The following PFKFB2 variants were observed in gnomAD, a reference collection of about 807,000 sequenced individuals.
PFKFB2 encodes the protein 6-phosphofructo-2-kinase/fructose-2,6-bisphosphatase 2.
A neutral mutation model predicts 68.0 loss-of-function variants in PFKFB2; 53 were observed. That is an observed-to-expected ratio of 0.78 (90% CI 0.63 to 0.98). The LOEUF (loss-of-function observed/expected upper bound fraction) is 0.98, where lower values mean the gene tolerates loss of function less well. PFKFB2 is among the 50% of genes least tolerant of loss of function. PFKFB2 has a pLI of 0.00. For missense variants in PFKFB2, 451 were observed against 642.0 expected, an observed-to-expected ratio of 0.70 and a Z score of 3.22; for synonymous variants, 222 against 227.6, an observed-to-expected ratio of 0.98 and a Z score of 0.22.
At chr1:207,056,600 G>A (rs369410241) in intron 2 of PFKFB2, among the ~76,000 whole-genome samples, 3 of 151,854 alleles carry the variant, frequency 2.0e-5, no homozygotes, top group South Asian at 2.1e-4. Context: ...TCAAGTCAGG[G>A]AAGCAGTAAT....
At chr1:207,048,099 C>A (rs1030040573) in intron 2 of PFKFB2, 1 of 152,524 alleles carries the variant, frequency 6.6e-6, no homozygotes, top group South Asian at 2.1e-4. Flanking sequence ...GAAGAAAAAA[C>A]TGAGGACTCG....
upstream of PFKFB2, chr1:207,050,598 A>AG (rs1415101976): frequency 6.4e-7 from 1 of 1,560,842 alleles, no homozygotes; most frequent in Non-Finnish European, 8.7e-7. Context: ...GCCGACTCAC[A>AG]GCCACCTTGC....
chr1:207,052,865 T>C (rs1449313490), upstream of PFKFB2: 1 of 152,308 alleles, frequency 6.6e-6, no homozygotes, highest in East Asian at 1.9e-4. Flanking sequence ...AAAGCTTACG[T>C]TCCCATTTAT....
At chr1:207,051,145 A>G (rs1682742347), upstream of PFKFB2, 27 of 1,421,638 alleles carry the variant, frequency 1.9e-5, no homozygotes, top group Non-Finnish European at 2.5e-5. Context: ...CCCCACCCTC[A>G]GAACGAAGAT....
upstream of PFKFB2, chr1:207,049,403 C>G: frequency 6.2e-7 from 1 of 1,614,168 alleles, no homozygotes; most frequent in Non-Finnish European, 8.5e-7. Context: ...ATCTCTATTG[C>G]TCCTCCCCAA....
At chr1:207,078,224 G>A (rs78559703), downstream of PFKFB2, among the ~76,000 whole-genome samples, 1,906 of 152,280 alleles carry the variant, frequency 0.013, 35 homozygotes, top group African/African-American at 0.044. Flanking sequence ...AGAGATTATG[G>A]TCAAGGGTAT....
Position 207,062,619 on chromosome 1 carries a change from G to A in PFKFB2, c.212-1G>A. The A allele has an allele frequency of 1.2e-6, 2 of 1,613,676 alleles. No homozygotes were observed. Among genetic ancestry groups the A allele is most frequent in the South Asian group, 2.2e-5 (2 of 91,004 alleles). On this transcript the variant is annotated splice_acceptor_variant, in intron 3 of 14. Transcript: ENST00000367080. LOFTEE classifies it high-confidence loss of function. Reference sequence around the variant, plus strand: ...CTGAAGGATTTGGGTGTCTTCTACAGTGTTTAATCTTGGGGTGTATCGGCG... The same window carrying A: ...CTGAAGGATTTGGGTGTCTTCTACAATGTTTAATCTTGGGGTGTATCGGCG...
chr1:207,047,541 C>T (rs1682628972), intron 2 of PFKFB2: 2 of 152,656 alleles, frequency 1.3e-5, no homozygotes, highest in Non-Finnish European at 1.5e-5. Context: ...ACCAAAATAA[C>T]AAAACTTCAC....
rs552541053 is a variant in PFKFB2 at position 207,035,677 on chromosome 1, A to AC, written c.-62+1205_-62+1206insC. Among the ~76,000 whole-genome samples the AC allele has an allele frequency of 2.6e-3, 392 of 148,234 alleles. 3 individuals are homozygous for AC. Among genetic ancestry groups the AC allele is most frequent in the Admixed American group, 7.8e-3 (118 of 15,222 alleles). On this transcript the variant is annotated intron_variant, in intron 1 of 5. Transcript: ENST00000545806. Reference sequence around the variant, plus strand: ...TAAAAACAAACAAACAAACAAACAAAAAAAACAAAAAAAGAAAAGAGGTTT... The same window carrying AC: ...TAAAAACAAACAAACAAACAAACAAACAAAAACAAAAAAAGAAAAGAGGTTT...
chr1:207,042,279 T>C (rs1009058324), intron 2 of PFKFB2: 5 of 152,148 alleles, frequency 3.3e-5, no homozygotes, highest in African/African-American at 1.2e-4. Context: ...CCAGGCGCAG[T>C]GGCTCACGTC....
At position 207,070,607 on chromosome 1, in the gene PFKFB2, T is replaced by G; in HGVS notation, c.1222+198T>G. The G allele has an allele frequency of 1.8e-6, 1 of 550,010 alleles. No homozygotes were observed. The highest frequency in any genetic ancestry group is 2.0e-5 in the South Asian group (1 of 49,858). 34.1% of individuals were successfully genotyped at this position (550,010 alleles called of 1,614,324 possible). On this transcript the variant is annotated intron_variant, in intron 12 of 14. Transcript: ENST00000367080. The surrounding 1 kb of genome is among the most constrained non-coding windows in gnomAD (Gnocchi z 4.2). ...ACTCTGCTGCTACGAAAGCTTCCAATGGAGAGTGGCTGCTGCTGGTGCTCC... is the reference window on the plus strand; with the variant it reads ...ACTCTGCTGCTACGAAAGCTTCCAAGGGAGAGTGGCTGCTGCTGGTGCTCC...
chr1:207,065,012 C>G (rs367612107), intron 7 of PFKFB2, 24 bp from the exon 8 acceptor site: 1 of 1,612,540 alleles, frequency 6.2e-7, no homozygotes, highest in Admixed American at 1.7e-5. Flanking sequence ...CTGATGAGGC[C>G]TTTACTGGTT....
chr1:207,047,251 CCAT>C (rs1682622688), intron 2 of PFKFB2: 4 of 152,452 alleles, frequency 2.6e-5, no homozygotes, highest in Admixed American at 2.6e-4. Flanking sequence ...GTTATGCTGA[CCAT>C]AACAGCTTAT....
chr1:207,066,801 C>T (rs971222800), intron 8 of PFKFB2, among the ~76,000 whole-genome samples: 4 of 151,994 alleles, frequency 2.6e-5, no homozygotes, highest in African/African-American at 4.8e-5. Context: ...TTACAGGCAC[C>T]CGCCACCACG....
intron 2 of PFKFB2, chr1:207,045,535 A>G (rs1682578396): frequency 6.6e-6 from 1 of 152,356 alleles, no homozygotes. Flanking sequence ...CTGCAAACAA[A>G]TGTGTCTCCA....
At chr1:207,037,060 C>T (rs1215944017) in intron 1 of PFKFB2, among the ~76,000 whole-genome samples, 1 of 152,168 alleles carries the variant, frequency 6.6e-6, no homozygotes, top group Non-Finnish European at 1.5e-5. Context: ...TTATCTTTAA[C>T]CAGACATCCC....
At chr1:207,045,493 A>G (rs1682577066) in intron 2 of PFKFB2, 1 of 152,440 alleles carries the variant, frequency 6.6e-6, no homozygotes, top group South Asian at 2.1e-4. Context: ...GCCAACATGT[A>G]AACTTTTATT....
intron 7 of PFKFB2, among the ~76,000 whole-genome samples, chr1:207,064,257 G>A (rs1683214784): frequency 6.6e-6 from 1 of 152,052 alleles, no homozygotes; most frequent in African/African-American, 2.4e-5. Flanking sequence ...CCTTAGCCTG[G>A]GAGGTTGAGG....
At chr1:207,036,983 G>A (rs190495140) in intron 1 of PFKFB2, among the ~76,000 whole-genome samples, 383 of 152,314 alleles carry the variant, frequency 2.5e-3, no homozygotes, top group African/African-American at 8.9e-3. Flanking sequence ...GTCCTTGAGT[G>A]TAATTCCATT....
Sources: gnomAD v4.1 joint callset for allele counts (sites outside exome capture counted in the v4.1 genomes callset) on GRCh38, gnomAD v4.1.1 for gene constraint, Gnocchi (gnomAD v3.1) non-coding constraint, MANE v1.5 for transcripts, NCBI Gene and HGNC (gene_info 2026-07-23, HGNC 2026-07-21) for gene names.